SGCD: variants seen among roughly 807,000 people sequenced by gnomAD.
SGCD encodes sarcoglycan delta, also known as delta-sarcoglycan.
In SGCD, 18 loss-of-function variants were observed where a neutral mutation model predicts 36.6. The ratio of observed to expected loss-of-function variants is 0.49; its 90% CI spans 0.34 to 0.73. SGCD has a LOEUF of 0.73. Among genes scored for constraint, SGCD ranks in the 30% least tolerant of loss-of-function variants. SGCD has a pLI of 0.01. For synonymous variants in SGCD, 133 were observed against 130.6 expected (o/e 1.02, Z -0.12); for missense variants, 387 against 346.7 (o/e 1.12, Z -0.92).
chr5:156,486,602 T>G (rs574258399), intron 3 of SGCD, among the ~76,000 whole-genome samples: 1 of 152,312 alleles, frequency 6.6e-6, no homozygotes, highest in South Asian at 2.1e-4. Flanking sequence ...CATACACTAT[T>G]GCAGGCCTGA....
intron 3 of SGCD, among the ~76,000 whole-genome samples, chr5:156,185,971 G>A (rs1019024752): frequency 3.4e-5 from 5 of 147,356 alleles, no homozygotes; most frequent in African/African-American, 1.0e-4. Context: ...CTTTTGATCT[G>A]CACCAAAGAT....
At chr5:156,255,406 T>C (rs1440772523) in intron 3 of SGCD, among the ~76,000 whole-genome samples, 2 of 152,222 alleles carry the variant, frequency 1.3e-5, no homozygotes, top group Admixed American at 6.5e-5. Context: ...AATGTTTATC[T>C]GGGTTTGGTG....
chr5:156,178,649 C>G, intron 3 of SGCD, among the ~76,000 whole-genome samples: 1 of 152,180 alleles, frequency 6.6e-6, no homozygotes, highest in Middle Eastern at 3.2e-3. Flanking sequence ...AGAGATTGCT[C>G]ACTGCAACCT....
Position 156,291,627 on chromosome 5 carries a change from CT to C in SGCD, c.-43-37899del, listed in dbSNP as rs541930599. On this transcript the variant is annotated intron_variant, in intron 3 of 9. Transcript: ENST00000517913. ...ACAACGTAATATTTACTATCTTAACCTTTTTTTTCCTACTCTCTAAAGGGAA... is the reference window on the plus strand; with the variant it reads ...ACAACGTAATATTTACTATCTTAACCTTTTTTTCCTACTCTCTAAAGGGAA... 2.2e-3 allele frequency among the ~76,000 whole-genome samples: 336 copies of C among 151,836 alleles called. 2 individuals are homozygous for C. The highest frequency in any genetic ancestry group is 0.014 in the Middle Eastern group (4 of 290).
chr5:155,914,324 C>T (rs945859015), intron 1 of SGCD, among the ~76,000 whole-genome samples: 3 of 152,124 alleles, frequency 2.0e-5, no homozygotes, highest in Non-Finnish European at 4.4e-5. Flanking sequence ...TACTCTAATA[C>T]TCTGACAAAG....
rs534884012 is a variant in SGCD at position 156,414,475 on chromosome 5, G to A, written c.192+69798G>A. On this transcript the variant is annotated intron_variant, in intron 3 of 8. Transcript: ENST00000337851. ...GATATAACATTGACAGGAAATAAAG[G>A]TTATGGAGGAAGAATTGGCACACGT... Among the ~76,000 whole-genome samples the A allele has an allele frequency of 1.3e-4, 20 of 152,326 alleles. No individual in the cohort carries two copies. The South Asian group carries it at 1.9e-3, about 14-fold the overall frequency.
chr5:155,893,986 T>C (rs1455414175), intron 1 of SGCD, among the ~76,000 whole-genome samples: 1 of 152,148 alleles, frequency 6.6e-6, no homozygotes, highest in South Asian at 2.1e-4. Context: ...AATAAAAATA[T>C]GGTATAAAAG....
intron 3 of SGCD, among the ~76,000 whole-genome samples, chr5:156,491,914 G>A (rs1173392023): frequency 1.3e-5 from 2 of 152,028 alleles, no homozygotes; most frequent in African/African-American, 2.4e-5. Context: ...TTCTGGGAGG[G>A]ATCCTAAAAA....
At chr5:156,576,764 A>G (rs1168273352) in intron 4 of SGCD, among the ~76,000 whole-genome samples, 1 of 151,622 alleles carries the variant, frequency 6.6e-6, no homozygotes, top group East Asian at 1.9e-4. Context: ...CCACTTTTTG[A>G]TGGGGTTTTT....
intron 7 of SGCD, among the ~76,000 whole-genome samples, chr5:156,748,904 A>G (rs1757045193): frequency 6.6e-6 from 1 of 152,092 alleles, no homozygotes; most frequent in Non-Finnish European, 1.5e-5. Context: ...AGCTGGGATT[A>G]CAGGCGTGTA....
At chr5:156,146,308 G>C (rs1762710366) in intron 3 of SGCD, among the ~76,000 whole-genome samples, 1 of 152,066 alleles carries the variant, frequency 6.6e-6, no homozygotes, top group Non-Finnish European at 1.5e-5. Context: ...ATACTACCTG[G>C]TTCTCCAATG....
chr5:156,392,029 A>G (rs1398627513), intron 3 of SGCD, among the ~76,000 whole-genome samples: 3 of 152,216 alleles, frequency 2.0e-5, no homozygotes, highest in Non-Finnish European at 4.4e-5. Flanking sequence ...AGCACTACGT[A>G]TATTGAATGT....
At chr5:156,664,698 TGA>T (rs1242397126) in intron 7 of SGCD, among the ~76,000 whole-genome samples, 1 of 103,524 alleles carries the variant, frequency 9.7e-6, no homozygotes, top group Non-Finnish European at 1.9e-5. Flanking sequence ...ATTGAGAGGG[TGA>T]GAGAGACGAT....
At chr5:156,632,195 C>G (rs370528121) in intron 6 of SGCD, among the ~76,000 whole-genome samples, 10 of 152,194 alleles carry the variant, frequency 6.6e-5, no homozygotes, top group African/African-American at 2.4e-4. Flanking sequence ...AACTGATTAA[C>G]CCTGCTTGGG....
intron 6 of SGCD, among the ~76,000 whole-genome samples, chr5:156,612,333 G>A (rs1165851375): frequency 2.0e-5 from 3 of 152,232 alleles, no homozygotes; most frequent in African/African-American, 7.2e-5. Context: ...TTCTTCAGCT[G>A]AAAACTTTGT....
intron 3 of SGCD, among the ~76,000 whole-genome samples, chr5:156,176,238 C>T (rs1327148186): frequency 4.6e-5 from 7 of 152,064 alleles, no homozygotes; most frequent in Non-Finnish European, 1.0e-4. Flanking sequence ...CCTATTTTAT[C>T]AACCCCAGCC....
intron 1 of SGCD, among the ~76,000 whole-genome samples, chr5:156,023,414 T>G (rs2116737): frequency 0.57 from 86,506 of 152,054 alleles, 26,125 homozygotes; most frequent in Non-Finnish European, 0.68. Flanking sequence ...GAGTATGGGC[T>G]CTGAGAGTTC....
chr5:155,844,031 T>C, the SGCD span, among the ~76,000 whole-genome samples: 16 of 152,176 alleles, frequency 1.1e-4, no homozygotes, highest in Non-Finnish European at 2.1e-4. Context: ...ACTCTTATAA[T>C]GGTATGAGTA....
chr5:156,293,827 T>C (rs947738476), intron 3 of SGCD, among the ~76,000 whole-genome samples: 8 of 152,096 alleles, frequency 5.3e-5, no homozygotes, highest in African/African-American at 1.9e-4. Context: ...AATTCTAGCA[T>C]AAATTTTTCT....
Sources: allele counts gnomAD v4.1 joint callset (sites outside exome capture counted in the v4.1 genomes callset), GRCh38; gene constraint gnomAD v4.1.1; transcripts MANE v1.5; gene names NCBI Gene and HGNC (gene_info 2026-07-23, HGNC 2026-07-21).